TMEM154: variants seen among roughly 807,000 people sequenced by gnomAD.
TMEM154 encodes the protein transmembrane protein 154.
TMEM154 carries 27 observed loss-of-function variants against 24.5 expected under a neutral mutation model. The observed-to-expected ratio is 1.10, with a 90% CI of 0.81 to 1.52. TMEM154 has a LOEUF of 1.52. Ranked by LOEUF, TMEM154 falls within the 40% of genes most tolerant of loss-of-function variation. The pLI, the probability that TMEM154 is intolerant of heterozygous loss-of-function variation, is 0.00. For missense variants in TMEM154, 228 were observed against 213.4 expected (o/e 1.07, Z -0.43); for synonymous variants, 67 against 76.8 (o/e 0.87, Z 0.67).
In TMEM154 at chr4:152,627,354, A is replaced by G. The variant is rs1259715506; in HGVS notation, c.*1192T>C. 1 of 152,234 alleles carries G rather than the reference A, an allele frequency of 6.6e-6. No individual in the cohort carries two copies. 9.4% of individuals were successfully genotyped at this position (152,234 alleles called of 1,614,324 possible). The stretch of plus-strand genomic sequence containing the variant: ...TCTTTCTTGAAATAAAATATCAGGT[A>G]TCCAAGGAGAGCTGAGGATTCTCAA... On this transcript the variant is annotated 3_prime_UTR_variant, in exon 7 of 7. Coordinates refer to ENST00000304385, the MANE Select transcript of TMEM154 (RefSeq NM_152680.3).
Position 152,652,779 on chromosome 4 carries a change from T to A in TMEM154, c.213A>T (p.Glu71Asp). 1 of 1,614,098 alleles carries A rather than the reference T, an allele frequency of 6.2e-7. No individual in the cohort carries two copies. The highest frequency in any genetic ancestry group is 2.2e-5 in the East Asian group (1 of 44,856). The change falls in exon 2 of 7, where the codon GAA (glutamate) becomes GAT (aspartate). Residue 71 changes from glutamate (E) to aspartate (D), a missense_variant. Coordinates refer to ENST00000304385, the MANE Select transcript of TMEM154 (RefSeq NM_152680.3). ...CCATCAGTATAAACTCTAACTGATT[T>A]TCATCCGGAGCAAAGTTGGTAGAAT... is the stretch of plus-strand genomic sequence containing the variant. ...NINSTNFAPD[E>D]NQLEFILMVL...
intron 1 of TMEM154, among the ~76,000 whole-genome samples, chr4:152,655,338 G>A (rs1326118257): frequency 1.3e-5 from 2 of 152,174 alleles, no homozygotes; most frequent in African/African-American, 4.8e-5. Context: ...GCCTAGCCAC[G>A]GGAGAGCCCC....
chr4:152,679,862 C>T lies in TMEM154; in HGVS notation c.64+8G>A, dbSNP rs753774311. On this transcript the variant is annotated splice_region_variant and intron_variant, in intron 1 of 6. Coordinates refer to ENST00000304385, the MANE Select transcript of TMEM154 (RefSeq NM_152680.3). ...CCTTCCCAGGAGTAGGAAGTGGAGG[C>T]GGCTTACCCCGGCCGACGGGAACGA... 1 of 1,605,012 alleles carries T rather than the reference C, an allele frequency of 6.2e-7. No individual in the cohort carries two copies. The highest frequency in any genetic ancestry group is 8.5e-7 in the Non-Finnish European group (1 of 1,176,660).
Position 152,621,627 on chromosome 4 carries a change from T to C in TMEM154, c.*6919A>G, listed in dbSNP as rs1234617170. 6.6e-6 allele frequency: 1 copy of C among 152,246 alleles called. No homozygotes were observed. The highest frequency in any genetic ancestry group is 1.5e-5 in the Non-Finnish European group (1 of 68,044). 9.4% of individuals were successfully genotyped at this position (152,246 alleles called of 1,614,324 possible). A position where few individuals can be genotyped will look rare whatever the true frequency, so the allele number is the denominator to read the frequency against. On this transcript the variant is annotated 3_prime_UTR_variant, in exon 7 of 7. Transcript: ENST00000304385. ...GTTGTTTGTCAATAATACTGACTGG[T>C]CTTTGTGAGCCGAAAGAATAAATCC...
chr4:152,648,431 G>A (rs1381919714), intron 3 of TMEM154, among the ~76,000 whole-genome samples: 4 of 152,228 alleles, frequency 2.6e-5, no homozygotes. Context: ...GGAGTTTGAG[G>A]CTGCAGTGAG....
At chr4:152,656,274 C>A (rs181455160) in intron 1 of TMEM154, among the ~76,000 whole-genome samples, 7 of 152,294 alleles carry the variant, frequency 4.6e-5, no homozygotes, top group Admixed American at 1.3e-4. Flanking sequence ...CCAAGCAAGA[C>A]ACCTGGAAGC....
At chr4:152,669,033 G>A (rs1333356385) in intron 1 of TMEM154, 5 of 152,164 alleles carry the variant, frequency 3.3e-5, no homozygotes, top group African/African-American at 7.2e-5. Flanking sequence ...TGGAGCTATC[G>A]ATTTGGTGCT....
chr4:152,632,447 CT>C (rs1419457171), intron 6 of TMEM154, among the ~76,000 whole-genome samples: 1 of 152,226 alleles, frequency 6.6e-6, no homozygotes, highest in Admixed American at 6.5e-5. Context: ...TACAATTTCA[CT>C]TTTTCCTTCT....
In TMEM154 at chr4:152,640,992, C is replaced by G. The variant is rs746265295; in HGVS notation, c.479-7G>C. 1 of 1,607,278 alleles carries G rather than the reference C, an allele frequency of 6.2e-7. No individual in the cohort carries two copies. Among genetic ancestry groups the G allele is most frequent in the South Asian group, 1.1e-5 (1 of 89,730 alleles). On this transcript the variant is annotated splice_polypyrimidine_tract_variant and splice_region_variant and intron_variant, in intron 5 of 6. Coordinates refer to ENST00000304385, the MANE Select transcript of TMEM154 (RefSeq NM_152680.3). ...GGTAAACATTCAAAGTCGGCTAGGACAGAATAAAAGCAAACTCATTGTTAG... is the reference window on the plus strand; with the variant it reads ...GGTAAACATTCAAAGTCGGCTAGGAGAGAATAAAAGCAAACTCATTGTTAG...
chr4:152,641,098 A>T, intron 5 of TMEM154, 113 bp from the exon 6 acceptor site: 1 of 943,398 alleles, frequency 1.1e-6, no homozygotes, highest in Non-Finnish European at 1.5e-6. Context: ...TACTTGCACA[A>T]AAATGGCCTC....
chr4:152,653,843 A>G (rs1728439208), intron 1 of TMEM154, among the ~76,000 whole-genome samples: 1 of 151,502 alleles, frequency 6.6e-6, no homozygotes, highest in Non-Finnish European at 1.5e-5. Flanking sequence ...GTTCGAGACC[A>G]GCCTGACCAA....
chr4:152,631,999 G>A (rs532562983), intron 6 of TMEM154, among the ~76,000 whole-genome samples: 1 of 151,506 alleles, frequency 6.6e-6, no homozygotes, highest in Non-Finnish European at 1.5e-5. Context: ...AGTAGAGGTG[G>A]GGTTTCACCA....
intron 3 of TMEM154, among the ~76,000 whole-genome samples, 177 bp from the exon 4 acceptor site, chr4:152,644,619 G>T (rs528366440): frequency 4.9e-4 from 74 of 152,296 alleles, no homozygotes; most frequent in African/African-American, 1.8e-3. Context: ...TTAAAACGAG[G>T]TCCTAATCCG....
intron 1 of TMEM154, among the ~76,000 whole-genome samples, chr4:152,664,110 A>G (rs1416814754): frequency 6.6e-6 from 1 of 152,262 alleles, no homozygotes; most frequent in African/African-American, 2.4e-5. Flanking sequence ...AATAGCAAAG[A>G]CATGGAACCA....
intron 3 of TMEM154, among the ~76,000 whole-genome samples, chr4:152,647,942 T>C (rs10034000): frequency 0.58 from 88,492 of 151,900 alleles, 25,891 homozygotes; most frequent in Admixed American, 0.63. Flanking sequence ...GTCTGGACTC[T>C]CAACCTCAAT....
At chr4:152,645,978 C>G (rs1006521454) in intron 3 of TMEM154, among the ~76,000 whole-genome samples, 6 of 142,260 alleles carry the variant, frequency 4.2e-5, no homozygotes, top group South Asian at 2.3e-4. Context: ...CACACACACA[C>G]AGACACCACA....
rs1044319654 is a variant in TMEM154, at chr4:152,622,442, A to C, written c.*6104T>G. 1 of 152,214 alleles carries C rather than the reference A, an allele frequency of 6.6e-6. No homozygotes were observed. Among genetic ancestry groups the C allele is most frequent in the Non-Finnish European group, 1.5e-5 (1 of 68,026 alleles). The allele number at this position is 152,214 out of a possible 1,614,324, so 9.4% of individuals were successfully genotyped here. On this transcript the variant is annotated 3_prime_UTR_variant, in exon 7 of 7. Coordinates refer to ENST00000304385, the MANE Select transcript of TMEM154 (RefSeq NM_152680.3). The stretch of plus-strand genomic sequence containing the variant: ...GCATAATTCACCTCTACTCTTAGTA[A>C]ATAAAACATTTTAGTAAACAAATAT...
At chr4:152,668,223 A>C (rs994199293) in intron 1 of TMEM154, among the ~76,000 whole-genome samples, 1 of 152,168 alleles carries the variant, frequency 6.6e-6, no homozygotes, top group Non-Finnish European at 1.5e-5. Flanking sequence ...GACAGAACAC[A>C]AATATATTTT....
At chr4:152,642,776 G>A (rs1032611894) in intron 5 of TMEM154, among the ~76,000 whole-genome samples, 1 of 152,118 alleles carries the variant, frequency 6.6e-6, no homozygotes, top group Non-Finnish European at 1.5e-5. Flanking sequence ...ATTCTGTAAT[G>A]TATAAGGTAA....
Sources: allele counts gnomAD v4.1 joint callset (sites outside exome capture counted in the v4.1 genomes callset), GRCh38; gene constraint gnomAD v4.1.1; transcripts MANE v1.5; gene names NCBI Gene and HGNC (gene_info 2026-07-23, HGNC 2026-07-21).